Variants in CUX2 observed in about 807,000 individuals in gnomAD.
CUX2 encodes the protein cut like homeobox 2.
CUX2 carries 40 observed loss-of-function variants against 144.8 expected under a neutral mutation model. The ratio of observed to expected loss-of-function variants is 0.28; its 90% confidence interval spans 0.21 to 0.36. CUX2 has a LOEUF of 0.36. CUX2 is among the 10% of genes least tolerant of loss of function. CUX2 has a pLI of 1.00. For synonymous variants in CUX2, 827 were observed against 875.6 expected, an observed-to-expected ratio of 0.94 and a Z score of 0.98; for missense variants, 1,615 against 1,994.0, an observed-to-expected ratio of 0.81 and a Z score of 3.62.
intron 1 of CUX2, among the ~76,000 whole-genome samples, chr12:111,163,686 T>C (rs1877932708): frequency 6.6e-6 from 1 of 152,220 alleles, no homozygotes; most frequent in Admixed American, 6.5e-5. Context: ...TTCCTTTTTA[T>C]GCTTAAGCCA....
intron 19 of CUX2, among the ~76,000 whole-genome samples, chr12:111,335,392 CA>C (rs376667320): frequency 4.0e-5 from 6 of 148,544 alleles, no homozygotes; most frequent in African/African-American, 5.0e-5. Flanking sequence ...GACCTCATCT[CA>C]AAAAAAAAAT....
intron 1 of CUX2, among the ~76,000 whole-genome samples, chr12:111,048,711 G>T (rs1870117288): frequency 6.6e-6 from 1 of 152,162 alleles, no homozygotes; most frequent in South Asian, 2.1e-4. Flanking sequence ...AGGTGACTAA[G>T]ACGGCGTGGC....
At chr12:111,120,595 G>A (rs186696434) in intron 1 of CUX2, among the ~76,000 whole-genome samples, 1 of 151,542 alleles carries the variant, frequency 6.6e-6, no homozygotes, top group East Asian at 1.9e-4. Context: ...GGGTTATAAA[G>A]GATGCCCTTT....
chr12:111,034,188 A>G lies in CUX2; in HGVS notation c.11A>G (p.Asn4Ser), dbSNP rs1031832941. ...TCGATAGCCCCCAAGATGGCCGCCA[A>G]TGTGGGATCGATGTTTCAATATTGG... is the stretch of plus-strand genomic sequence containing the variant. MAA[N>S]VGSMFQYWKR... The change falls in exon 1 of 22, where the codon AAT becomes AGT. Residue 4 changes from asparagine (N) to serine (S), a missense_variant. Around this residue, in one of 12 missense-constraint regions of CUX2, gnomAD observed 64 missense variants for 64.9 expected, o/e 0.99. Coordinates refer to ENST00000261726, the MANE Select transcript of CUX2 (RefSeq NM_015267.4). The surrounding 1 kb of genome is among the most constrained non-coding windows in gnomAD (Gnocchi z 4.2). 1.4e-6 allele frequency: 2 copies of G among 1,396,160 alleles called. No homozygotes were observed. Among genetic ancestry groups the G allele is most frequent in the South Asian group, 1.2e-5 (1 of 86,550 alleles). The allele number at this position is 1,396,160 out of a possible 1,614,324, so 86.5% of individuals were successfully genotyped here.
intron 1 of CUX2, among the ~76,000 whole-genome samples, chr12:111,151,024 T>C (rs535003332): frequency 6.6e-6 from 1 of 152,326 alleles, no homozygotes; most frequent in East Asian, 1.9e-4. Context: ...ACACCCTTCC[T>C]ATGTTTGGAG....
intron 1 of CUX2, among the ~76,000 whole-genome samples, chr12:111,179,802 G>A (rs371341431): frequency 3.9e-5 from 6 of 151,950 alleles, no homozygotes; most frequent in African/African-American, 9.7e-5. Flanking sequence ...TCAGCCTCCC[G>A]AGTAGCTGGG....
At chr12:111,273,022 G>A (rs910100895) in intron 4 of CUX2, among the ~76,000 whole-genome samples, 4 of 152,196 alleles carry the variant, frequency 2.6e-5, no homozygotes, top group African/African-American at 9.7e-5. Flanking sequence ...TATGCTCTGA[G>A]TGCTTGCTAT....
At chr12:111,052,451 A>G (rs1018588036) in intron 1 of CUX2, among the ~76,000 whole-genome samples, 5 of 152,114 alleles carry the variant, frequency 3.3e-5, no homozygotes, top group African/African-American at 4.8e-5. Flanking sequence ...AAATGAACAA[A>G]CAGGGATGGA....
At chr12:111,148,871 C>T (rs10466924) in intron 1 of CUX2, among the ~76,000 whole-genome samples, 13,998 of 152,012 alleles carry the variant, frequency 0.092, 1,536 homozygotes, top group African/African-American at 0.27. Flanking sequence ...GTGGTGCATA[C>T]CTGTAGTCTC....
chr12:111,226,226 G>A (rs535893558), intron 3 of CUX2, among the ~76,000 whole-genome samples: 1 of 152,200 alleles, frequency 6.6e-6, no homozygotes, highest in Non-Finnish European at 1.5e-5. Flanking sequence ...TTACAGGCGT[G>A]AGCCATCACA....
At position 111,260,315 on chromosome 12, in the gene CUX2, T is replaced by C. The variant is rs1162205169; in HGVS notation, c.223-3446T>C. 7.3e-5 allele frequency among the ~76,000 whole-genome samples: 11 copies of C among 151,430 alleles called. No homozygotes were observed. In the East Asian group the frequency reaches 1.9e-3, roughly 27 times the overall value. On this transcript the variant is annotated intron_variant, in intron 3 of 21. Transcript: ENST00000261726. ...CCGTCTCTACTGAAAATACAAAAAA[T>C]TAGCCAGGCATGGTGGCGGGCGCCT...
chr12:111,205,832 G>A (rs139713193), intron 1 of CUX2, among the ~76,000 whole-genome samples: 80 of 152,290 alleles, frequency 5.3e-4, no homozygotes, highest in African/African-American at 1.7e-3. Context: ...CAGACAGACC[G>A]GGCTCTTTAG....
chr12:111,263,721 C>G lies in CUX2; in HGVS notation c.223-40C>G, dbSNP rs571795292. Reference sequence around the variant, plus strand: ...TGAAATTTGCTTGCAGACACAGATGCCATGGTTACACGTGACTCTTTCTCT... The same window carrying G: ...TGAAATTTGCTTGCAGACACAGATGGCATGGTTACACGTGACTCTTTCTCT... On this transcript the variant is annotated intron_variant, in intron 3 of 21. Coordinates refer to ENST00000261726, the MANE Select transcript of CUX2 (RefSeq NM_015267.4). The surrounding 1 kb of genome is among the most constrained non-coding windows in gnomAD (Gnocchi z 4.0). 7.5e-5 allele frequency: 111 copies of G among 1,476,142 alleles called. No homozygotes were observed. In the South Asian group the frequency reaches 1.2e-3, roughly 16 times the overall value. 91.4% of individuals were successfully genotyped at this position (1,476,142 alleles called of 1,614,324 possible).
At chr12:111,191,306 ATTATTTATTTATTTATTTATTTAT>A (rs200077725) in intron 1 of CUX2, among the ~76,000 whole-genome samples, 1 of 146,752 alleles carries the variant, frequency 6.8e-6, no homozygotes, top group Non-Finnish European at 1.5e-5. Flanking sequence ...TTATTCTTTT[ATTATTTATTTATTTATTTATTTAT>A]TTATTTATTT....
At chr12:111,070,305 A>G (rs1360425055) in intron 1 of CUX2, among the ~76,000 whole-genome samples, 4 of 151,758 alleles carry the variant, frequency 2.6e-5, no homozygotes, top group Non-Finnish European at 4.4e-5. Context: ...AACACTATCT[A>G]TGGGTTTGTC....
At chr12:111,169,292 C>T (rs527654049) in intron 1 of CUX2, among the ~76,000 whole-genome samples, 1 of 152,216 alleles carries the variant, frequency 6.6e-6, no homozygotes, top group East Asian at 1.9e-4. Flanking sequence ...GGACCCTCCC[C>T]TGGAGCCTGC....
intron 1 of CUX2, among the ~76,000 whole-genome samples, chr12:111,189,347 C>T (rs80293725): frequency 0.06 from 9,205 of 152,262 alleles, 559 homozygotes; most frequent in African/African-American, 0.16. Context: ...ATGTCTAATC[C>T]ACCCTACCCT....
chr12:111,191,579 G>A, intron 1 of CUX2, among the ~76,000 whole-genome samples: 1 of 152,076 alleles, frequency 6.6e-6, no homozygotes, highest in African/African-American at 2.4e-5. Flanking sequence ...GCCTACCTTG[G>A]CCCCCCAAAG....
In CUX2 at chr12:111,088,479, T is replaced by C. The variant is rs566583424; in HGVS notation, c.63+54239T>C. Among the ~76,000 whole-genome samples the C allele has an allele frequency of 7.2e-5, 11 of 152,274 alleles. No homozygotes were observed. In the South Asian group the frequency reaches 2.3e-3, roughly 32 times the overall value. ...AAAAAAAGTAAAGGACTGAAACCAC[T>C]GCATTAATTATTCAAAATGCAGCGG... On this transcript the variant is annotated intron_variant, in intron 1 of 21. Transcript: ENST00000261726.
Sources: allele counts gnomAD v4.1 joint callset (sites outside exome capture counted in the v4.1 genomes callset), GRCh38; gene constraint gnomAD v4.1.1; regional missense constraint gnomAD v4.1.1; non-coding constraint Gnocchi (gnomAD v3.1); transcripts MANE v1.5; gene names NCBI Gene and HGNC (gene_info 2026-07-23, HGNC 2026-07-21).